Variants in CFHR1 observed in about 807,000 individuals in gnomAD.
CFHR1 encodes complement factor H-related protein 1.
Under a neutral mutation model 30.4 loss-of-function variants are expected in CFHR1, and 22 were observed. The observed-to-expected ratio is 0.72, with a 90% confidence interval of 0.52 to 1.03. The LOEUF (loss-of-function observed/expected upper bound fraction) is 1.03, where lower values mean the gene tolerates loss of function less well. CFHR1 is among the 50% of genes least tolerant of loss of function. CFHR1 has a pLI of 0.00. For missense variants in CFHR1, 248 were observed against 380.6 expected (o/e 0.65, Z 2.90); for synonymous variants, 95 against 129.1 (o/e 0.74, Z 1.79).
rs145545132 is a variant in CFHR1 at position 196,828,107 on chromosome 1, T to G, written c.468T>G (p.Ala156=). Residue 156 remains alanine (A), a synonymous_variant, in exon 4 of 6, where the codon GCT becomes GCG. Coordinates refer to ENST00000320493, the MANE Select transcript of CFHR1 (RefSeq NM_002113.3). ...TGAATCCGCCCACAGTACAAAATGC[T>G]CATATACTGTCGAGACAGATGAGTA... The part of the protein sequence containing the change: ...SCVNPPTVQN[A]HILSRQMSKY... The G allele has an allele frequency of 2.2e-6, 3 of 1,335,502 alleles. 1 individual carries two copies. In the African/African-American group the frequency reaches 7.3e-5, roughly 32 times the overall value. 82.7% of individuals were successfully genotyped at this position (1,335,502 alleles called of 1,614,324 possible).
In CFHR1 at chr1:196,830,556, T is replaced by C. The variant is rs772867814; in HGVS notation, c.664T>C (p.Phe222Leu). 6.6e-7 allele frequency: 1 copy of C among 1,525,456 alleles called. No individual in the cohort carries two copies. Among genetic ancestry groups the C allele is most frequent in the Admixed American group, 1.7e-5 (1 of 57,946 alleles). 94.5% of individuals were successfully genotyped at this position (1,525,456 alleles called of 1,614,324 possible). Reference protein sequence around the residue: ...PPIDNGDITSFPLSVYAPASS... With the variant: ...PPIDNGDITSLPLSVYAPASS... ...TATTGACAATGGGGACATTACTTCA[T>C]TCCCGTTGTCAGTATATGCTCCAGC... The change falls in exon 5 of 6, where the codon TTC becomes CTC. Residue 222 changes from phenylalanine to leucine, a missense_variant. Coordinates refer to ENST00000320493, the MANE Select transcript of CFHR1 (RefSeq NM_002113.3).
At chr1:196,822,672 C>T (rs1283012637) in intron 1 of CFHR1, among the ~76,000 whole-genome samples, 1 of 134,358 alleles carries the variant, frequency 7.4e-6, no homozygotes, top group Non-Finnish European at 1.6e-5. Flanking sequence ...CTGTCCTCTC[C>T]TATGATAACA....
rs544567832 is a variant in CFHR1, at chr1:196,829,592, C to T, written c.608-908C>T. 2.0e-4 allele frequency among the ~76,000 whole-genome samples: 27 copies of T among 134,524 alleles called. 4 individuals carry two copies. The highest frequency in any genetic ancestry group is 3.9e-4 in the Non-Finnish European group (25 of 64,032). The allele number at this position is 134,524 out of a possible 152,430, so 88.3% of individuals were successfully genotyped here. A position where few individuals can be genotyped will look rare whatever the true frequency, so the allele number is the denominator to read the frequency against. On this transcript the variant is annotated intron_variant, in intron 4 of 5. Transcript: ENST00000320493. ...TGTAAAAGATCGTGTCACTGGATAT[C>T]AAATTTGGAGTTGACAGTTCTTTGA...
At position 196,825,389 on chromosome 1, in the gene CFHR1, C is replaced by T. The variant is rs442759; in HGVS notation, c.59-88C>T. ...GCATTTAAGCTAAATGAAAGAAAAA[C>T]ACTATAAGTGAGATGATTAAAATAT... On this transcript the variant is annotated intron_variant, in intron 1 of 5. Coordinates refer to ENST00000320493, the MANE Select transcript of CFHR1 (RefSeq NM_002113.3). 445,734 of 1,020,500 alleles carry T rather than the reference C, an allele frequency of 0.44. 127,135 individuals are homozygous for T. The highest frequency in any genetic ancestry group is 0.59 in the African/African-American group (26,821 of 45,476). 63.2% of individuals were successfully genotyped at this position (1,020,500 alleles called of 1,614,324 possible).
chr1:196,824,668 T>C (rs1462521737), intron 1 of CFHR1, among the ~76,000 whole-genome samples: 3 of 125,666 alleles, frequency 2.4e-5, no homozygotes, highest in Admixed American at 1.6e-4. Context: ...TTTATTGTTT[T>C]ATTATCTTTA....
chr1:196,824,144 C>T (rs779768884), intron 1 of CFHR1, among the ~76,000 whole-genome samples: 5 of 134,608 alleles, frequency 3.7e-5, no homozygotes, highest in East Asian at 3.9e-4. Flanking sequence ...GGTTCCAGGA[C>T]GCTACCCACC....
At chr1:196,823,873 C>G (rs397093) in intron 1 of CFHR1, among the ~76,000 whole-genome samples, 62,571 of 132,038 alleles carry the variant, frequency 0.47, 21,017 homozygotes, top group African/African-American at 0.59. Flanking sequence ...AGTGAGGGAG[C>G]TTATGCATGT....
intron 2 of CFHR1, chr1:196,825,962 G>T: frequency 8.1e-6 from 2 of 245,460 alleles, no homozygotes; most frequent in Non-Finnish European, 1.5e-5. Flanking sequence ...TATTCATTTC[G>T]CAGCAGCCTG....
rs1655416205 is a variant in CFHR1 at position 196,828,291 on chromosome 1, G to A, written c.607+45G>A. 3 of 1,156,788 alleles carry A rather than the reference G, an allele frequency of 2.6e-6. 1 individual carries two copies. Among genetic ancestry groups the A allele is most frequent in the Non-Finnish European group, 3.5e-6 (3 of 854,082 alleles). The allele number at this position is 1,156,788 out of a possible 1,614,324, so 71.7% of individuals were successfully genotyped here. A position where few individuals can be genotyped will look rare whatever the true frequency, so the allele number is the denominator to read the frequency against. On this transcript the variant is annotated intron_variant, in intron 4 of 5. Coordinates refer to ENST00000320493, the MANE Select transcript of CFHR1 (RefSeq NM_002113.3). Reference sequence around the variant, plus strand: ...TTAACATTTTGGGGGAGTATAGCAGGGTTAAAATATGTTGATTTAAACAAA... The same window carrying A: ...TTAACATTTTGGGGGAGTATAGCAGAGTTAAAATATGTTGATTTAAACAAA...
In CFHR1 at chr1:196,831,950, C is replaced by A; in HGVS notation, c.944C>A (p.Thr315Lys). 2.0e-6 allele frequency: 3 copies of A among 1,524,634 alleles called. No individual in the cohort carries two copies. The highest frequency in any genetic ancestry group is 2.7e-6 in the Non-Finnish European group (3 of 1,128,586). The allele number at this position is 1,524,634 out of a possible 1,614,324, so 94.4% of individuals were successfully genotyped here. ...TCATCACGTTCTCACACATTGCGAA[C>A]AACATGTTGGGATGGGAAACTGGAG... The part of the protein sequence containing the change: ...RLSSRSHTLR[T>K]TCWDGKLEYP... Residue 315 changes from threonine to lysine, a missense_variant, in exon 6 of 6, where the codon ACA (threonine) becomes AAA (lysine). This residue lies in a region of CFHR1 where 112 missense variants were observed against 156.4 expected (regional missense o/e 0.72). Coordinates refer to ENST00000320493, the MANE Select transcript of CFHR1 (RefSeq NM_002113.3).
chr1:196,828,276 G>C (rs2124892916), intron 4 of CFHR1, 30 bp downstream of exon 4: 1 of 1,193,624 alleles, frequency 8.4e-7, no homozygotes, highest in Admixed American at 2.2e-5. Flanking sequence ...TTAACATTTT[G>C]GGGGAGTATA....
At position 196,828,800 on chromosome 1, in the gene CFHR1, T is replaced by G. The variant is rs1433032769; in HGVS notation, c.607+554T>G. 1.1e-3 allele frequency among the ~76,000 whole-genome samples: 57 copies of G among 51,640 alleles called. 14 individuals carry two copies. Among genetic ancestry groups the G allele is most frequent in the African/African-American group, 4.4e-3 (53 of 11,996 alleles). The allele number at this position is 51,640 out of a possible 152,430, so 33.9% of individuals were successfully genotyped here. A position where few individuals can be genotyped will look rare whatever the true frequency, so the allele number is the denominator to read the frequency against. On this transcript the variant is annotated intron_variant, in intron 4 of 5. Coordinates refer to ENST00000320493, the MANE Select transcript of CFHR1 (RefSeq NM_002113.3). Reference sequence around the variant, plus strand: ...TAAAATTAATGTTGTCCTGTGTTTTTTTTTTTTTTTCACTATTTTACTTAG... The same window carrying G: ...TAAAATTAATGTTGTCCTGTGTTTTGTTTTTTTTTTCACTATTTTACTTAG...
rs1313493671 is a variant in CFHR1 at position 196,824,342 on chromosome 1, C to A, written c.59-1135C>A. Among the ~76,000 whole-genome samples, 9 of 133,836 alleles carry A rather than the reference C, an allele frequency of 6.7e-5. 1 individual carries two copies. The highest frequency in any genetic ancestry group is 9.7e-5 in the African/African-American group (3 of 30,886). The allele number at this position is 133,836 out of a possible 152,430, so 87.8% of individuals were successfully genotyped here. ...GCATGATCTCCGCTCACTGCAACCT[C>A]CCCCTCCTGGGTTCAAGTGATTCTT... On this transcript the variant is annotated intron_variant, in intron 1 of 5. Transcript: ENST00000320493.
rs191404360 is a variant in CFHR1, at chr1:196,831,663, T to C, written c.791-134T>C. The C allele has an allele frequency of 1.2e-3, 1,491 of 1,204,594 alleles. 382 individuals are homozygous for C. The African/African-American group carries it at 0.026, about 21-fold the overall frequency. The allele number at this position is 1,204,594 out of a possible 1,614,324, so 74.6% of individuals were successfully genotyped here. On this transcript the variant is annotated intron_variant, in intron 5 of 5. Coordinates refer to ENST00000320493, the MANE Select transcript of CFHR1 (RefSeq NM_002113.3). ...GTTTATTTAAATCAATATGATGTTTTTACATAGTCGGTTTGGACAGTGTTT... is the reference window on the plus strand; with the variant it reads ...GTTTATTTAAATCAATATGATGTTTCTACATAGTCGGTTTGGACAGTGTTT...
At chr1:196,822,085 G>T (rs1655138820) in intron 1 of CFHR1, among the ~76,000 whole-genome samples, 1 of 132,046 alleles carries the variant, frequency 7.6e-6, no homozygotes, top group Non-Finnish European at 1.6e-5. Flanking sequence ...CCATGAATAG[G>T]GTGTGCAGGA....
At position 196,824,320 on chromosome 1, in the gene CFHR1, T is replaced by A. The variant is rs1181695543; in HGVS notation, c.59-1157T>A. Among the ~76,000 whole-genome samples, 3 of 134,008 alleles carry A rather than the reference T, an allele frequency of 2.2e-5. 1 individual carries two copies. Among genetic ancestry groups the A allele is most frequent in the South Asian group, 5.1e-4 (2 of 3,888 alleles). 87.9% of individuals were successfully genotyped at this position (134,008 alleles called of 152,430 possible). On this transcript the variant is annotated intron_variant, in intron 1 of 5. Coordinates refer to ENST00000320493, the MANE Select transcript of CFHR1 (RefSeq NM_002113.3). ...GCCCCCAGGCTCGAGTTTAGTGGCA[T>A]GATCTCCGCTCACTGCAACCTCCCC...
rs865965564 is a variant in CFHR1 at position 196,832,003 on chromosome 1, C to T, written c.*4C>T. ...TCCAACTTGTGCAAAAAGATAGAAT[C>T]AATCATAAAATGCACACCTTTATTC... On this transcript the variant is annotated 3_prime_UTR_variant, in exon 6 of 6. Transcript: ENST00000320493. The T allele has an allele frequency of 6.6e-7, 1 of 1,519,672 alleles. No homozygotes were observed. Among genetic ancestry groups the T allele is most frequent in the Non-Finnish European group, 8.9e-7 (1 of 1,124,138 alleles). The allele number at this position is 1,519,672 out of a possible 1,614,324, so 94.1% of individuals were successfully genotyped here.
Position 196,824,117 on chromosome 1 carries a change from A to G in CFHR1, c.59-1360A>G, listed in dbSNP as rs1655228789. Among the ~76,000 whole-genome samples, 3 of 134,670 alleles carry G rather than the reference A, an allele frequency of 2.2e-5. 1 individual carries two copies. Among genetic ancestry groups the G allele is most frequent in the African/African-American group, 9.5e-5 (3 of 31,416 alleles). 88.3% of individuals were successfully genotyped at this position (134,670 alleles called of 152,430 possible). ...TTATACATATATACAGTAGTCCTTTAGCATCCTCAAGGAATTGGTTCCAGG... is the reference window on the plus strand; with the variant it reads ...TTATACATATATACAGTAGTCCTTTGGCATCCTCAAGGAATTGGTTCCAGG... On this transcript the variant is annotated intron_variant, in intron 1 of 5. Transcript: ENST00000320493.
chr1:196,831,893 C>G lies in CFHR1; in HGVS notation c.887C>G (p.Ala296Gly), dbSNP rs16840561. ...CTTTATTTGAGAACAGGTGAATCAG[C>G]TGAATTTGTGTGTAAACGGGGATAT... ...QKLYLRTGES[A>G]EFVCKRGYRL... is the part of the protein sequence containing the mutation. Residue 296 changes from alanine to glycine, a missense_variant, in exon 6 of 6, where the codon GCT becomes GGT. By Grantham distance (60) the Ala-to-Gly change is moderately conservative. Transcript: ENST00000320493. 20 of 1,523,698 alleles carry G rather than the reference C, an allele frequency of 1.3e-5. 4 individuals are homozygous for G. The highest frequency in any genetic ancestry group is 3.5e-5 in the African/African-American group (2 of 56,828). 94.4% of individuals were successfully genotyped at this position (1,523,698 alleles called of 1,614,324 possible).
Sources: gnomAD v4.1 joint callset for allele counts (sites outside exome capture counted in the v4.1 genomes callset) on GRCh38, gnomAD v4.1.1 for gene constraint, gnomAD v4.1.1 regional missense constraint, MANE v1.5 for transcripts, NCBI Gene and HGNC (gene_info 2026-07-23, HGNC 2026-07-21) for gene names.